Variants in TNPO3 observed in about 807,000 individuals in gnomAD.
The protein encoded by TNPO3 is transportin-3.
A neutral mutation model predicts 122.8 loss-of-function variants in TNPO3; 65 were observed. The ratio of observed to expected loss-of-function variants is 0.53; its 90% confidence interval spans 0.43 to 0.65. TNPO3 has a LOEUF of 0.65. Among genes scored for constraint, TNPO3 ranks in the 30% least tolerant of loss-of-function variants. The probability of loss-of-function intolerance (pLI) is 0.00; values close to 1 mark genes in which losing one functional copy is unlikely to be tolerated. For synonymous variants in TNPO3, 372 were observed against 411.2 expected (o/e 0.90, Z 1.15); for missense variants, 850 against 1,136.7 (o/e 0.75, Z 3.63).
At chr7:129,034,514 A>G (rs1487066277) in intron 1 of TNPO3, among the ~76,000 whole-genome samples, 1 of 152,074 alleles carries the variant, frequency 6.6e-6, no homozygotes, top group Non-Finnish European at 1.5e-5. Context: ...TTGGAAAACA[A>G]AACAAAACAA....
At chr7:128,965,611 T>C (rs1216661935) in intron 21 of TNPO3, among the ~76,000 whole-genome samples, 2 of 152,202 alleles carry the variant, frequency 1.3e-5, no homozygotes, top group African/African-American at 4.8e-5. Flanking sequence ...TCCAAAAGAA[T>C]TGAAAGCAGG....
chr7:128,955,838 G>A (rs10275092), intron 22 of TNPO3, among the ~76,000 whole-genome samples: 1,568 of 152,288 alleles, frequency 0.01, 20 homozygotes, highest in African/African-American at 0.035. Flanking sequence ...TGTATTAAGC[G>A]GAGTGGTTCA....
At chr7:128,973,462 C>T (rs889959868) in intron 18 of TNPO3, among the ~76,000 whole-genome samples, 2 of 151,486 alleles carry the variant, frequency 1.3e-5, no homozygotes, top group African/African-American at 4.9e-5. Context: ...GTGTGCCGGG[C>T]GTGGTGGCTC....
chr7:128,971,002 T>A (rs1482880740), intron 19 of TNPO3: 1 of 151,646 alleles, frequency 6.6e-6, no homozygotes, highest in East Asian at 1.9e-4. Flanking sequence ...GCCACTACAG[T>A]CTGTCTGGGT....
intron 6 of TNPO3, 39 bp from the exon 7 acceptor site, chr7:129,000,606 T>C (rs368981099): frequency 1.3e-6 from 2 of 1,593,014 alleles, no homozygotes; most frequent in South Asian, 2.2e-5. Flanking sequence ...GAGTCAGAAA[T>C]CTGGATATTA....
chr7:129,035,001 G>A (rs891833980), intron 1 of TNPO3, among the ~76,000 whole-genome samples: 9 of 151,664 alleles, frequency 5.9e-5, no homozygotes, highest in Admixed American at 1.3e-4. Context: ...TCGGCCGGGC[G>A]CGGTGGCTCA....
chr7:129,044,562 T>C (rs1807796376), intron 1 of TNPO3, among the ~76,000 whole-genome samples: 1 of 152,176 alleles, frequency 6.6e-6, no homozygotes, highest in Non-Finnish European at 1.5e-5. Context: ...TAACAAACAC[T>C]ACAAAACTAT....
At chr7:129,024,548 T>C (rs1332546209) in intron 1 of TNPO3, among the ~76,000 whole-genome samples, 5 of 152,194 alleles carry the variant, frequency 3.3e-5, no homozygotes, top group Admixed American at 3.3e-4. Flanking sequence ...TATATGCCTC[T>C]TGATGAAAGG....
chr7:129,034,988 A>G (rs1806434408), intron 1 of TNPO3, among the ~76,000 whole-genome samples: 1 of 141,510 alleles, frequency 7.1e-6, no homozygotes, highest in East Asian at 2.2e-4. Flanking sequence ...CTTAAACAAC[A>G]TATCGGCCGG....
At chr7:129,015,961 G>A (rs987964312) in intron 3 of TNPO3, among the ~76,000 whole-genome samples, 2 of 151,966 alleles carry the variant, frequency 1.3e-5, no homozygotes, top group African/African-American at 4.8e-5. Flanking sequence ...TAAAAAATAA[G>A]CTATCCACTC....
intron 1 of TNPO3, among the ~76,000 whole-genome samples, chr7:129,045,241 T>A (rs1188242506): frequency 6.6e-6 from 1 of 152,118 alleles, no homozygotes; most frequent in African/African-American, 2.4e-5. Flanking sequence ...GGGCATAGAT[T>A]TAGTTTTACA....
intron 7 of TNPO3, among the ~76,000 whole-genome samples, chr7:128,997,845 T>C (rs1027019837): frequency 2.6e-5 from 4 of 152,204 alleles, no homozygotes; most frequent in Admixed American, 2.0e-4. Flanking sequence ...TTTATTTTTA[T>C]TTATTTTTTA....
chr7:129,001,974 A>G (rs1801995726), intron 5 of TNPO3, among the ~76,000 whole-genome samples: 3 of 152,194 alleles, frequency 2.0e-5, no homozygotes, highest in African/African-American at 7.2e-5. Context: ...TAAACACATC[A>G]TTGTGAAATT....
At chr7:128,989,001 T>TAGG (rs1800471055) in intron 11 of TNPO3, among the ~76,000 whole-genome samples, 1 of 151,942 alleles carries the variant, frequency 6.6e-6, no homozygotes, top group African/African-American at 2.4e-5. Flanking sequence ...CACTTGAACC[T>TAGG]AGGAGGTGGA....
chr7:129,054,812 T>A lies in TNPO3; in HGVS notation c.-42A>T. 5.0e-6 allele frequency: 8 copies of A among 1,612,644 alleles called. No individual in the cohort carries two copies. The highest frequency in any genetic ancestry group is 5.9e-6 in the Non-Finnish European group (7 of 1,179,362). On this transcript the variant is annotated 5_prime_UTR_variant, in exon 1 of 23. Coordinates refer to ENST00000265388, the MANE Select transcript of TNPO3 (RefSeq NM_012470.4). ...GCGGTAGCGACGGCTCTGATTCTTCTCCGGAGGATTCCTCGGTTGCTCCGC... is the reference window on the plus strand; with the variant it reads ...GCGGTAGCGACGGCTCTGATTCTTCACCGGAGGATTCCTCGGTTGCTCCGC...
At chr7:128,972,859 GATA>G (rs1268242105) in intron 18 of TNPO3, among the ~76,000 whole-genome samples, 1 of 152,174 alleles carries the variant, frequency 6.6e-6, no homozygotes, top group Non-Finnish European at 1.5e-5. Flanking sequence ...GACTTTGGGT[GATA>G]ATGATGTGTT....
chr7:128,972,001 T>C (rs1396121878), intron 19 of TNPO3, among the ~76,000 whole-genome samples: 2 of 152,120 alleles, frequency 1.3e-5, no homozygotes, highest in African/African-American at 2.4e-5. Flanking sequence ...ACAAAAAATA[T>C]AAAAACTAGC....
chr7:128,977,958 C>T (rs1799243937), intron 16 of TNPO3, among the ~76,000 whole-genome samples: 1 of 152,132 alleles, frequency 6.6e-6, no homozygotes, highest in Non-Finnish European at 1.5e-5. Flanking sequence ...GCTCTCCTCT[C>T]CCTAGGTGGA....
rs142437752 is a variant in TNPO3, at chr7:128,997,132, A to G, written c.1158+257T>C. On this transcript the variant is annotated intron_variant, in intron 8 of 22. Transcript: ENST00000265388. The stretch of plus-strand genomic sequence containing the variant: ...CTCAGCTTCCTGAGTAGCTAGGACT[A>G]CAGGCGTGTGCCACCAGGCCCAGCT... Among the ~76,000 whole-genome samples, 135 of 152,252 alleles carry G rather than the reference A, an allele frequency of 8.9e-4. 2 individuals are homozygous for G. In the East Asian group the frequency reaches 0.022, roughly 25 times the overall value.
Sources: allele counts gnomAD v4.1 joint callset (sites outside exome capture counted in the v4.1 genomes callset), GRCh38; gene constraint gnomAD v4.1.1; transcripts MANE v1.5; gene names NCBI Gene and HGNC (gene_info 2026-07-23, HGNC 2026-07-21).